EXOC4: variants seen among roughly 807,000 people sequenced by gnomAD.
EXOC4 encodes the protein SEC8-like 1.
Under a neutral mutation model 107.2 loss-of-function variants are expected in EXOC4, and 71 were observed. The ratio of observed to expected loss-of-function variants is 0.66; its 90% CI spans 0.55 to 0.81. EXOC4 has a LOEUF of 0.81. Among genes scored for constraint, EXOC4 ranks in the 30% least tolerant of loss-of-function variants. The pLI is 0.00. For missense variants in EXOC4, 1,108 were observed against 1,189.6 expected (o/e 0.93, Z 1.01); for synonymous variants, 456 against 441.2 (o/e 1.03, Z -0.42).
intron 10 of EXOC4, among the ~76,000 whole-genome samples, chr7:133,648,828 A>G (rs764156488): frequency 6.6e-6 from 1 of 152,196 alleles, no homozygotes; most frequent in Non-Finnish European, 1.5e-5. Flanking sequence ...GGCAGTTAAA[A>G]ACAGAAGTTG....
intron 7 of EXOC4, among the ~76,000 whole-genome samples, chr7:133,425,930 C>T (rs1026196071): frequency 7.9e-5 from 12 of 152,140 alleles, no homozygotes; most frequent in African/African-American, 2.7e-4. Context: ...TGGACCAAAC[C>T]GTTATATTTC....
intron 9 of EXOC4, among the ~76,000 whole-genome samples, chr7:133,584,817 G>A (rs570571520): frequency 7.6e-4 from 115 of 152,108 alleles, no homozygotes; most frequent in African/African-American, 2.5e-3. Context: ...GACCTCAGGC[G>A]ATCTGCCCGT....
At chr7:134,000,442 T>C (rs900334043) in intron 15 of EXOC4, among the ~76,000 whole-genome samples, 5 of 152,188 alleles carry the variant, frequency 3.3e-5, no homozygotes, top group Non-Finnish European at 1.5e-5. Context: ...TGGCTGGCCC[T>C]GAAACCTAAT....
At chr7:133,487,366 G>A (rs1799287424) in intron 9 of EXOC4, among the ~76,000 whole-genome samples, 1 of 152,142 alleles carries the variant, frequency 6.6e-6, no homozygotes, top group African/African-American at 2.4e-5. Flanking sequence ...AGTTTTAAAA[G>A]TTGAACAAAT....
intron 10 of EXOC4, among the ~76,000 whole-genome samples, chr7:133,694,599 C>T (rs1794492468): frequency 1.3e-5 from 2 of 152,062 alleles, no homozygotes; most frequent in Non-Finnish European, 2.9e-5. Context: ...TAAATTGTTA[C>T]ATAATGTGCA....
chr7:133,875,070 A>G (rs1008264111), intron 11 of EXOC4, among the ~76,000 whole-genome samples: 1 of 152,254 alleles, frequency 6.6e-6, no homozygotes, highest in African/African-American at 2.4e-5. Flanking sequence ...TCTGAGATAC[A>G]TGAAGAAATG....
At chr7:133,992,460 T>G (rs1794285708) in intron 14 of EXOC4, among the ~76,000 whole-genome samples, 1 of 151,956 alleles carries the variant, frequency 6.6e-6, no homozygotes, top group South Asian at 2.1e-4. Flanking sequence ...TTTTTGTACT[T>G]TTATTAAAGA....
the EXOC4 span, among the ~76,000 whole-genome samples, chr7:134,076,452 A>G: frequency 6.6e-6 from 1 of 152,056 alleles, no homozygotes; most frequent in Admixed American, 6.6e-5. Context: ...TAGGAGGCGG[A>G]GCTTGCAGTG....
intron 10 of EXOC4, among the ~76,000 whole-genome samples, chr7:133,749,915 T>C (rs1041586095): frequency 1.3e-5 from 2 of 151,804 alleles, no homozygotes; most frequent in Non-Finnish European, 2.9e-5. Flanking sequence ...GTTTAAGATA[T>C]TCTGCTCTCC....
rs1378898975 is a variant in EXOC4, at chr7:133,705,722, C to G, written c.1514+75581C>G. ...GTTGACTTCATAATCGAGATGGCTACGAAGTGACTAATGGACAGGTAGCGT... is the reference window on the plus strand; with the variant it reads ...GTTGACTTCATAATCGAGATGGCTAGGAAGTGACTAATGGACAGGTAGCGT... On this transcript the variant is annotated intron_variant, in intron 10 of 17. Coordinates refer to ENST00000253861, the MANE Select transcript of EXOC4 (RefSeq NM_021807.4). Among the ~76,000 whole-genome samples, 2 of 152,110 alleles carry G rather than the reference C, an allele frequency of 1.3e-5. 1 individual carries two copies. The highest frequency in any genetic ancestry group is 4.1e-4 in the South Asian group (2 of 4,828).
At chr7:133,787,973 A>ATATT (rs1796620837) in intron 10 of EXOC4, among the ~76,000 whole-genome samples, 1 of 39,248 alleles carries the variant, frequency 2.5e-5, no homozygotes, top group South Asian at 9.4e-4. Context: ...TTATATATAT[A>ATATT]TATATATATA....
At chr7:134,024,354 G>A (rs1488903117) in intron 17 of EXOC4, among the ~76,000 whole-genome samples, 1 of 152,070 alleles carries the variant, frequency 6.6e-6, no homozygotes, top group Non-Finnish European at 1.5e-5. Context: ...AGGAGGCTGA[G>A]GCAGGAGAAT....
At chr7:133,846,832 C>T (rs901315087) in intron 11 of EXOC4, among the ~76,000 whole-genome samples, 1 of 152,222 alleles carries the variant, frequency 6.6e-6, no homozygotes, top group Non-Finnish European at 1.5e-5. Context: ...GACAAGATTG[C>T]TGGGTTTCGA....
chr7:133,842,096 C>G (rs1798035598), intron 11 of EXOC4, among the ~76,000 whole-genome samples: 1 of 152,168 alleles, frequency 6.6e-6, no homozygotes, highest in South Asian at 2.1e-4. Flanking sequence ...CTATTGTGAA[C>G]AGTGCTGCAA....
intron 16 of EXOC4, among the ~76,000 whole-genome samples, chr7:134,006,990 C>G (rs1794657076): frequency 6.6e-6 from 1 of 152,028 alleles, no homozygotes; most frequent in Non-Finnish European, 1.5e-5. Context: ...TGTGGGGGGG[C>G]CCCAAAATGT....
intron 3 of EXOC4, among the ~76,000 whole-genome samples, chr7:133,291,372 T>A (rs1794400884): frequency 6.6e-6 from 1 of 151,964 alleles, no homozygotes; most frequent in Non-Finnish European, 1.5e-5. Flanking sequence ...CTCAGTATTT[T>A]TTGTTATGTG....
At chr7:134,076,936 A>G in the EXOC4 span, among the ~76,000 whole-genome samples, 4 of 152,188 alleles carry the variant, frequency 2.6e-5, no homozygotes, top group South Asian at 6.2e-4. Context: ...TGATAAACCC[A>G]TCATAAGTTG....
intron 9 of EXOC4, among the ~76,000 whole-genome samples, chr7:133,619,767 T>G (rs1802281241): frequency 6.6e-6 from 1 of 152,168 alleles, no homozygotes; most frequent in South Asian, 2.1e-4. Context: ...AGACACTTAG[T>G]ACAAAGAATG....
intron 7 of EXOC4, among the ~76,000 whole-genome samples, chr7:133,460,233 C>T (rs1404262272): frequency 1.3e-5 from 2 of 152,170 alleles, no homozygotes; most frequent in Non-Finnish European, 2.9e-5. Flanking sequence ...AGGGTTCACA[C>T]TCCTGTGAAA....
Sources: allele counts gnomAD v4.1 joint callset (sites outside exome capture counted in the v4.1 genomes callset), GRCh38; gene constraint gnomAD v4.1.1; transcripts MANE v1.5; gene names NCBI Gene and HGNC (gene_info 2026-07-23, HGNC 2026-07-21).